Variants in SNX29 observed in about 807,000 individuals in gnomAD.
SNX29 encodes the protein sorting nexin-29.
A neutral mutation model predicts 102.1 loss-of-function variants in SNX29; 78 were observed. That is an observed-to-expected ratio of 0.76 (90% CI 0.64 to 0.92). SNX29 has a LOEUF of 0.92. Ranked by LOEUF, SNX29 falls within the 40% of genes least tolerant of loss-of-function variation. The pLI is 0.00. For synonymous variants in SNX29, 580 were observed against 414.5 expected (o/e 1.40, Z -4.85); for missense variants, 1,280 against 1,061.7 (o/e 1.21, Z -2.86).
intron 11 of SNX29, among the ~76,000 whole-genome samples, chr16:12,107,109 C>T (rs1360492450): frequency 6.6e-6 from 1 of 152,214 alleles, no homozygotes; most frequent in Non-Finnish European, 1.5e-5. Context: ...CGGGCCACGG[C>T]ACATGGCCCT....
chr16:12,017,040 G>C (rs1039250647), intron 3 of SNX29, among the ~76,000 whole-genome samples: 10 of 152,170 alleles, frequency 6.6e-5, no homozygotes, highest in African/African-American at 2.4e-4. Flanking sequence ...TGAGGTGGAA[G>C]ATCACTGGGA....
chr16:12,553,640 G>C (rs1430641124), intron 20 of SNX29, among the ~76,000 whole-genome samples: 3 of 145,268 alleles, frequency 2.1e-5, no homozygotes, highest in African/African-American at 7.7e-5. Context: ...GCCCAGGCTG[G>C]AGTGCAATGA....
intron 14 of SNX29, among the ~76,000 whole-genome samples, chr16:12,260,244 T>C (rs1168036410): frequency 2.6e-5 from 4 of 152,242 alleles, no homozygotes; most frequent in African/African-American, 9.6e-5. Flanking sequence ...CTGCTGGTGC[T>C]ACAGGCGTCC....
At chr16:11,983,642 G>A (rs557553017) in intron 1 of SNX29, 1 of 985,390 alleles carries the variant, frequency 1.0e-6, no homozygotes, top group Admixed American at 6.1e-5. Context: ...CCCCACCTCT[G>A]CTAGCAACTG....
chr16:12,449,609 T>C (rs7201457), intron 18 of SNX29, among the ~76,000 whole-genome samples: 150,738 of 152,250 alleles, frequency 0.99, 74,626 homozygotes, highest in East Asian at 1. Context: ...GCACCTCCCG[T>C]GCTCCAGCTG....
At chr16:12,523,269 C>T (rs953286679) in intron 19 of SNX29, among the ~76,000 whole-genome samples, 4 of 152,198 alleles carry the variant, frequency 2.6e-5, no homozygotes, top group Non-Finnish European at 2.9e-5. Flanking sequence ...GCCTCCTGGG[C>T]GAGGTACCGA....
At chr16:12,299,994 C>T (rs1223099450) in intron 15 of SNX29, among the ~76,000 whole-genome samples, 3 of 152,146 alleles carry the variant, frequency 2.0e-5, no homozygotes, top group African/African-American at 7.2e-5. Context: ...CCTCAGCCTC[C>T]TGAGTAGCTG....
chr16:12,196,611 T>C lies in SNX29; in HGVS notation c.1596-2990T>C, dbSNP rs532982256. 2.5e-5 allele frequency among the ~76,000 whole-genome samples: 3 copies of C among 120,746 alleles called. No homozygotes were observed. In the South Asian group the frequency reaches 9.2e-4, roughly 37 times the overall value. The allele number at this position is 120,746 out of a possible 152,430, so 79.2% of individuals were successfully genotyped here. ...TGGCAACACTTTTTTTACTTTTCTT[T>C]TTTCTTTTTTCTTTTTTTTTTTTTT... On this transcript the variant is annotated intron_variant, in intron 13 of 20. Coordinates refer to ENST00000566228, the MANE Select transcript of SNX29 (RefSeq NM_032167.5).
intron 20 of SNX29, among the ~76,000 whole-genome samples, chr16:12,548,229 T>G (rs1341369149): frequency 4.6e-5 from 7 of 152,170 alleles, no homozygotes; most frequent in Admixed American, 4.6e-4. Flanking sequence ...CCTGCCACAG[T>G]GTTAGGTTAC....
chr16:12,261,590 GGAGT>G (rs1179179161), intron 14 of SNX29, among the ~76,000 whole-genome samples: 1 of 137,744 alleles, frequency 7.3e-6, no homozygotes, highest in African/African-American at 2.8e-5. Flanking sequence ...ATCCCTGGCT[GGAGT>G]GAGTGTTTGC....
At chr16:12,013,132 G>A (rs552344689) in intron 3 of SNX29, among the ~76,000 whole-genome samples, 1 of 151,614 alleles carries the variant, frequency 6.6e-6, no homozygotes, top group Admixed American at 6.6e-5. Context: ...GCCTTGATGA[G>A]ATTCAGTGAT....
In SNX29 at chr16:12,471,636, C is replaced by G. The variant is rs142352367; in HGVS notation, c.2038-6083C>G. On this transcript the variant is annotated intron_variant, in intron 18 of 20. Transcript: ENST00000566228. The stretch of plus-strand genomic sequence containing the variant: ...CCATCTACGGCCTGGCTTAGACATC[C>G]CTGCCCCACAAGTTAGGGTGAAAGC... 4.4e-3 allele frequency among the ~76,000 whole-genome samples: 665 copies of G among 152,316 alleles called. 6 individuals are homozygous for G. The highest frequency in any genetic ancestry group is 0.016 in the African/African-American group (653 of 41,568).
chr16:12,109,663 C>G (rs1372967993), intron 11 of SNX29, among the ~76,000 whole-genome samples: 1 of 152,048 alleles, frequency 6.6e-6, no homozygotes, highest in Non-Finnish European at 1.5e-5. Flanking sequence ...TAGGGGATGC[C>G]CAGCCGTGCA....
intron 4 of SNX29, 118 bp from the exon 5 acceptor site, chr16:12,042,779 C>A (rs1197367814): frequency 1.9e-6 from 2 of 1,037,298 alleles, no homozygotes; most frequent in Non-Finnish European, 2.8e-6. Context: ...CCTACCTTTT[C>A]CATGCTAAGG....
chr16:12,020,542 G>T (rs1241324018), intron 3 of SNX29, among the ~76,000 whole-genome samples: 1 of 151,800 alleles, frequency 6.6e-6, no homozygotes, highest in Non-Finnish European at 1.5e-5. Context: ...TATAGTCTAG[G>T]ATTGATTTCT....
In SNX29 at chr16:12,091,807, C is replaced by T. The variant is rs528331563; in HGVS notation, c.1402+12892C>T. On this transcript the variant is annotated intron_variant, in intron 11 of 20. Transcript: ENST00000566228. ...AAAAAAAAAAAAGGGACCCCAGAGA[C>T]CTTGTTTACCCTTTCTGCCATGTAA... Among the ~76,000 whole-genome samples the T allele has an allele frequency of 3.3e-4, 49 of 150,418 alleles. 2 individuals are homozygous for T. In the South Asian group the frequency reaches 0.01, roughly 32 times the overall value.
At chr16:12,425,987 A>T (rs2085062432) in intron 18 of SNX29, among the ~76,000 whole-genome samples, 2 of 152,170 alleles carry the variant, frequency 1.3e-5, no homozygotes, top group African/African-American at 4.8e-5. Context: ...CTTCAGGGAT[A>T]GGCCTTGGGC....
At chr16:12,426,341 G>A (rs1391485208) in intron 18 of SNX29, among the ~76,000 whole-genome samples, 2 of 152,170 alleles carry the variant, frequency 1.3e-5, no homozygotes, top group African/African-American at 4.8e-5. Context: ...CTGGCAGGGG[G>A]GTAAGAGACA....
intron 18 of SNX29, among the ~76,000 whole-genome samples, chr16:12,476,413 CATAT>C (rs61390803): frequency 0.12 from 2,391 of 19,434 alleles, 239 homozygotes; most frequent in East Asian, 0.39. Flanking sequence ...TATATATATA[CATAT>C]ATATATATAT....
Sources: gnomAD v4.1 joint callset for allele counts (sites outside exome capture counted in the v4.1 genomes callset) on GRCh38, gnomAD v4.1.1 for gene constraint, MANE v1.5 for transcripts, NCBI Gene and HGNC (gene_info 2026-07-23, HGNC 2026-07-21) for gene names.